METTL21A: variants seen among roughly 807,000 people sequenced by gnomAD.
METTL21A encodes methyltransferase 21A, HSPA lysine.
In METTL21A, 22 loss-of-function variants were observed where a neutral mutation model predicts 20.9. The observed-to-expected ratio is 1.05, with a 90% CI of 0.75 to 1.50. The LOEUF is 1.50. Among genes scored for constraint, METTL21A ranks in the 40% most tolerant of loss-of-function variants. The probability of loss-of-function intolerance (pLI) is 0.00; values close to 1 mark genes in which losing one functional copy is unlikely to be tolerated. For synonymous variants in METTL21A, 93 were observed against 102.0 expected, an observed-to-expected ratio of 0.91 and a Z score of 0.53; for missense variants, 271 against 266.8, an observed-to-expected ratio of 1.02 and a Z score of -0.11.
intron 3 of METTL21A, among the ~76,000 whole-genome samples, chr2:207,590,313 C>CT (rs1491478071): frequency 6.6e-6 from 1 of 151,290 alleles, no homozygotes; most frequent in Non-Finnish European, 1.5e-5. Flanking sequence ...TTTGTCTTTC[C>CT]TCTCTCTCTG....
At chr2:207,606,087 T>G (rs564735191), downstream of METTL21A, among the ~76,000 whole-genome samples, 11 of 152,380 alleles carry the variant, frequency 7.2e-5, no homozygotes, top group East Asian at 2.1e-3. Flanking sequence ...GTTTTCAATA[T>G]GCCATCTTTT....
exon 1 of METTL21A, chr2:207,625,345 G>C (rs890894603): frequency 6.6e-6 from 1 of 152,136 alleles, no homozygotes; most frequent in Non-Finnish European, 1.5e-5. Flanking sequence ...CGGCCTTAAA[G>C]AGCCCGCGAC....
intron 3 of METTL21A, among the ~76,000 whole-genome samples, chr2:207,588,063 T>A (rs184107092): frequency 6.6e-6 from 1 of 152,340 alleles, no homozygotes; most frequent in Non-Finnish European, 1.5e-5. Flanking sequence ...CTCATAAATG[T>A]CTACAGTTAT....
chr2:207,620,821 T>C (rs566772473), intron 3 of METTL21A: 11 of 831,122 alleles, frequency 1.3e-5, no homozygotes, highest in Non-Finnish European at 2.0e-5. Flanking sequence ...TGAAAAAGTA[T>C]TGGGTTTCTG....
rs1327277637 is a variant in METTL21A, at chr2:207,613,231, TC to T, written c.471del (p.Thr158HisfsTer11). On this transcript the variant is annotated frameshift_variant, in exon 4 of 4. Coordinates refer to ENST00000406927, the Ensembl canonical transcript of METTL21A. LOFTEE classifies it high-confidence loss of function. ...TGATTGCTACAGAGATGTTCCAGTG[TC>T]TGAAGAAGATCTGTGAATGTTTCTT... The T allele has an allele frequency of 6.2e-7, 1 of 1,613,770 alleles. No individual in the cohort carries two copies.
Position 207,624,884 on chromosome 2 carries a change from A to T in METTL21A, c.-30+381T>A, listed in dbSNP as rs150597618. 2.6e-3 allele frequency: 394 copies of T among 152,342 alleles called. 10 individuals carry two copies. In the East Asian group the frequency reaches 0.049, roughly 19 times the overall value. The allele number at this position is 152,342 out of a possible 1,614,324, so 9.4% of individuals were successfully genotyped here. ...CTGCTTCGATAGTGATAACAATGGG[A>T]CAGAACCTGCCCTTAGACTGGGTGT... On this transcript the variant is annotated intron_variant, in intron 1 of 3. Transcript: ENST00000406927.
intron 3 of METTL21A, among the ~76,000 whole-genome samples, chr2:207,595,625 A>G (rs2085995365): frequency 6.6e-6 from 1 of 152,054 alleles, no homozygotes; most frequent in African/African-American, 2.4e-5. Context: ...TGCAGGTGGC[A>G]GGATCACGGC....
intron 3 of METTL21A, among the ~76,000 whole-genome samples, chr2:207,594,632 G>A (rs2085756419): frequency 6.6e-6 from 1 of 152,048 alleles, no homozygotes; most frequent in African/African-American, 2.4e-5. Context: ...ATGGACATTT[G>A]GGCTGCTTCC....
chr2:207,621,088 T>C (rs982402948), intron 3 of METTL21A, among the ~76,000 whole-genome samples: 11 of 152,236 alleles, frequency 7.2e-5, no homozygotes, highest in African/African-American at 2.4e-4. Flanking sequence ...ATAAACATTA[T>C]ACATTGTATC....
At chr2:207,592,362 C>T (rs891654804) in intron 3 of METTL21A, among the ~76,000 whole-genome samples, 2 of 152,020 alleles carry the variant, frequency 1.3e-5, no homozygotes, top group Non-Finnish European at 1.5e-5. Context: ...GCCCAGATCA[C>T]GCCACTGCAC....
intron 3 of METTL21A, among the ~76,000 whole-genome samples, chr2:207,621,555 C>T (rs1378892155): frequency 6.6e-6 from 1 of 152,160 alleles, no homozygotes; most frequent in Admixed American, 6.5e-5. Flanking sequence ...GCAGAGCAAT[C>T]TCCCATGGGA....
At chr2:207,612,934 C>G (rs2089163597) in exon 4 of METTL21A, 2 of 1,155,610 alleles carry the variant, frequency 1.7e-6, no homozygotes, top group Non-Finnish European at 2.4e-6. Context: ...CCCTGAGAAC[C>G]TTTGGCTTAG....
exon 4 of METTL21A, chr2:207,582,086 T>C: frequency 2.8e-6 from 2 of 702,590 alleles, no homozygotes; most frequent in Non-Finnish European, 5.2e-6. Flanking sequence ...GCTGTCCAGG[T>C]GTCTCCACTG....
chr2:207,594,768 T>G (rs754831218), intron 3 of METTL21A, among the ~76,000 whole-genome samples: 5 of 152,172 alleles, frequency 3.3e-5, no homozygotes, highest in Non-Finnish European at 4.4e-5. Context: ...TGGTAAATTT[T>G]GTTCTTAATT....
At chr2:207,583,161 A>T (rs1385554961) in intron 3 of METTL21A, among the ~76,000 whole-genome samples, 1 of 152,118 alleles carries the variant, frequency 6.6e-6, no homozygotes, top group East Asian at 1.9e-4. Context: ...ATATAGGGGG[A>T]TTCATATAGG....
chr2:207,605,727 G>A (rs773481915), downstream of METTL21A, among the ~76,000 whole-genome samples: 12 of 152,122 alleles, frequency 7.9e-5, no homozygotes, highest in Non-Finnish European at 1.5e-4. Context: ...TCCTCTTCTG[G>A]GGACATTTGG....
intron 2 of METTL21A, among the ~76,000 whole-genome samples, chr2:207,623,245 T>C (rs2107336435): frequency 6.6e-6 from 1 of 152,354 alleles, no homozygotes; most frequent in Middle Eastern, 3.4e-3. Flanking sequence ...TGTAGTTACC[T>C]GGACTGGATT....
rs1178314264 is a variant in METTL21A at position 207,621,981 on chromosome 2, C to T, written c.148-64G>A. 6 of 1,423,172 alleles carry T rather than the reference C, an allele frequency of 4.2e-6. No individual in the cohort carries two copies. The East Asian group carries it at 1.4e-4, about 32-fold the overall frequency. 88.2% of individuals were successfully genotyped at this position (1,423,172 alleles called of 1,614,324 possible). A position where few individuals can be genotyped will look rare whatever the true frequency, so the allele number is the denominator to read the frequency against. ...ATGTGCTTGAGTAGCTGCAGGGTTT[C>T]AGGTCAGCTACACCCACCCCTCTCC... On this transcript the variant is annotated intron_variant, in intron 2 of 3. Coordinates refer to ENST00000406927, the Ensembl canonical transcript of METTL21A.
chr2:207,600,922 TTC>T (rs1432520744), intron 3 of METTL21A: 1 of 199,812 alleles, frequency 5.0e-6, no homozygotes, highest in Admixed American at 6.0e-5. Flanking sequence ...CAATCTAGAT[TTC>T]TTTTAATATT....
Sources: allele counts gnomAD v4.1 joint callset (sites outside exome capture counted in the v4.1 genomes callset), GRCh38; gene constraint gnomAD v4.1.1; transcripts MANE v1.5; gene names NCBI Gene and HGNC (gene_info 2026-07-23, HGNC 2026-07-21).